The following GPSM1 variants were observed in gnomAD, a reference collection of about 807,000 sequenced individuals.
The protein encoded by GPSM1 is G protein-signaling modulator 1.
In GPSM1, 48 loss-of-function variants were observed where a neutral mutation model predicts 70.5. The observed-to-expected ratio is 0.68, with a 90% CI of 0.54 to 0.87. The LOEUF is 0.87. GPSM1 is among the 40% of genes least tolerant of loss of function. GPSM1 has a pLI of 0.00. For synonymous variants in GPSM1, 416 were observed against 430.1 expected, an observed-to-expected ratio of 0.97 and a Z score of 0.41; for missense variants, 981 against 972.6, an observed-to-expected ratio of 1.01 and a Z score of -0.11.
intron 11 of GPSM1, chr9:136,354,923 G>C: frequency 9.7e-7 from 1 of 1,027,728 alleles, no homozygotes; most frequent in Non-Finnish European, 1.2e-6. Context: ...TCCAGGCCAA[G>C]GCTGGGGAGG....
chr9:136,327,805 C>A lies in GPSM1; in HGVS notation c.68+42C>A, dbSNP rs1554768100. 9.7e-6 allele frequency: 8 copies of A among 825,924 alleles called. No individual in the cohort carries two copies. The South Asian group carries it at 4.1e-4, about 43-fold the overall frequency. The allele number at this position is 825,924 out of a possible 1,614,324, so 51.2% of individuals were successfully genotyped here. A position where few individuals can be genotyped will look rare whatever the true frequency, so the allele number is the denominator to read the frequency against. ...CCGGGGCCGGGGCCGGGGCTGGGACCGGACCGGGCCGGGTCGGGACGCGGG... is the reference window on the plus strand; with the variant it reads ...CCGGGGCCGGGGCCGGGGCTGGGACAGGACCGGGCCGGGTCGGGACGCGGG... On this transcript the variant is annotated intron_variant, in intron 1 of 13. Coordinates refer to ENST00000440944, the MANE Select transcript of GPSM1 (RefSeq NM_001145638.3).
Position 136,354,800 on chromosome 9 carries a change from G to A in GPSM1, c.1456-890G>A, listed in dbSNP as rs551595833. The A allele has an allele frequency of 9.4e-5, 93 of 986,564 alleles. No individual in the cohort carries two copies. In the East Asian group the frequency reaches 1.8e-3, roughly 19 times the overall value. 61.1% of individuals were successfully genotyped at this position (986,564 alleles called of 1,614,324 possible). On this transcript the variant is annotated intron_variant, in intron 11 of 13. Coordinates refer to ENST00000440944, the MANE Select transcript of GPSM1 (RefSeq NM_001145638.3). ...CGAGTTCATTCACACAGCAGACACC[G>A]GTGAGGGCTGTGTAGGGCATGGACA...
intron 6 of GPSM1, 77 bp downstream of exon 6, chr9:136,338,038 C>T: frequency 2.1e-6 from 2 of 947,050 alleles, no homozygotes; most frequent in Non-Finnish European, 3.2e-6. Flanking sequence ...GTGCCCGCCC[C>T]AAGCTGGGAA....
intron 4 of GPSM1, 129 bp downstream of exon 4, chr9:136,337,201 C>T (rs782536208): frequency 3.0e-5 from 31 of 1,044,640 alleles, no homozygotes; most frequent in East Asian, 7.8e-5. Context: ...CGGCCAGGTC[C>T]GCCCACCCCC....
intron 5 of GPSM1, 40 bp from the exon 6 acceptor site, chr9:136,337,806 G>T (rs782570703): frequency 1.3e-6 from 2 of 1,491,756 alleles, no homozygotes; most frequent in Non-Finnish European, 1.9e-6. Context: ...AGGCCCCGGG[G>T]CTGCGCCATG....
Position 136,342,264 on chromosome 9 carries a change from C to T in GPSM1, c.1207+1271C>T, listed in dbSNP as rs1280448245. Among the ~76,000 whole-genome samples the T allele has an allele frequency of 6.6e-6, 1 of 152,144 alleles. No individual in the cohort carries two copies. The highest frequency in any genetic ancestry group is 1.5e-5 in the Non-Finnish European group (1 of 68,024). ...CTCCTGTGTCCCTGGCTCGGCACTG[C>T]CACCATCTGGGACCCCAGCAGCAAC... On this transcript the variant is annotated intron_variant, in intron 9 of 13. Coordinates refer to ENST00000440944, the MANE Select transcript of GPSM1 (RefSeq NM_001145638.3). The surrounding 1 kb of genome is among the most constrained non-coding windows in gnomAD (Gnocchi z 5.5).
At position 136,327,606 on chromosome 9, in the gene GPSM1, C is replaced by T. The variant is rs1295975609; in HGVS notation, c.-90C>T. On this transcript the variant is annotated 5_prime_UTR_variant, in exon 1 of 14. Transcript: ENST00000440944. ...GCGGACGGACAGGCGGACAGCAGGG[C>T]GGACAGCAGGGAGGACAGCAGGGCG... The T allele has an allele frequency of 1.6e-5, 4 of 245,000 alleles. No homozygotes were observed. The highest frequency in any genetic ancestry group is 2.8e-5 in the Non-Finnish European group (4 of 144,736). The allele number at this position is 245,000 out of a possible 1,614,324, so 15.2% of individuals were successfully genotyped here.
chr9:136,357,201 C>T (rs978942228), intron 13 of GPSM1, among the ~76,000 whole-genome samples: 1 of 152,216 alleles, frequency 6.6e-6, no homozygotes, highest in South Asian at 2.1e-4. Context: ...TCTCGCCATC[C>T]CTGTGGGGTG....
intron 13 of GPSM1, 78 bp downstream of exon 13, chr9:136,356,628 G>A (rs1832837099): frequency 9.5e-7 from 1 of 1,047,840 alleles, no homozygotes; most frequent in Admixed American, 2.3e-5. Context: ...GTGTCCTGAG[G>A]GGTGAGGTGG....
chr9:136,341,546 A>G lies in GPSM1; in HGVS notation c.1207+553A>G. ...ACAGAACGTCCCCTGCAAAGCGAAA[A>G]GACTAATAGGTGCCAGGGGGGTGGT... On this transcript the variant is annotated intron_variant, in intron 9 of 13. Coordinates refer to ENST00000440944, the MANE Select transcript of GPSM1 (RefSeq NM_001145638.3). This position sits in a 1 kb window ranked among gnomAD's most constrained non-coding sequence, Gnocchi z 6.7. The G allele has an allele frequency of 9.3e-7, 1 of 1,074,922 alleles. No individual in the cohort carries two copies. The allele number at this position is 1,074,922 out of a possible 1,614,324, so 66.6% of individuals were successfully genotyped here.
At chr9:136,335,461 C>T (rs2131395815) in intron 2 of GPSM1, among the ~76,000 whole-genome samples, 1 of 152,266 alleles carries the variant, frequency 6.6e-6, no homozygotes, top group East Asian at 1.9e-4. Flanking sequence ...CTGCAGCTGC[C>T]CTGACCTCTC....
At chr9:136,350,022 G>A (rs1014824499) in intron 11 of GPSM1, among the ~76,000 whole-genome samples, 4 of 152,206 alleles carry the variant, frequency 2.6e-5, no homozygotes, top group Non-Finnish European at 4.4e-5. Flanking sequence ...TCTAGGCTGG[G>A]CTCTTCTGCA....
In GPSM1 at chr9:136,358,156, G is replaced by A. The variant is rs887527407; in HGVS notation, c.1964G>A (p.Gly655Asp). The A allele has an allele frequency of 1.9e-6, 3 of 1,598,648 alleles. No homozygotes were observed. The highest frequency in any genetic ancestry group is 3.4e-5 in the Admixed American group (2 of 58,304). ...MDEQRVDLAG[G>D]PEQGAGGPPE... Reference sequence around the variant, plus strand: ...GAGCAGCGGGTGGACCTCGCCGGGGGCCCGGAGCAGGGGGCAGGCGGCCCG... The same window carrying A: ...GAGCAGCGGGTGGACCTCGCCGGGGACCCGGAGCAGGGGGCAGGCGGCCCG... Residue 655 changes from glycine (G) to aspartate (D), a missense_variant, in exon 14 of 14, where the codon GGC (glycine) becomes GAC (aspartate). Physicochemically the swap from Gly to Asp is moderately conservative, Grantham distance 94. Coordinates refer to ENST00000440944, the MANE Select transcript of GPSM1 (RefSeq NM_001145638.3).
chr9:136,330,659 C>T (rs1262534224), intron 1 of GPSM1, among the ~76,000 whole-genome samples: 1 of 152,192 alleles, frequency 6.6e-6, no homozygotes, highest in African/African-American at 2.4e-5. Context: ...AGAGTCTCTT[C>T]AGCATCTGCT....
chr9:136,346,756 A>G (rs1554771335), intron 9 of GPSM1, among the ~76,000 whole-genome samples: 1 of 152,102 alleles, frequency 6.6e-6, no homozygotes, highest in Non-Finnish European at 1.5e-5. Context: ...TATTTAAATC[A>G]GGGCCCTGCT....
At position 136,355,765 on chromosome 9, in the gene GPSM1, G is replaced by T. The variant is rs782473674; in HGVS notation, c.1531G>T (p.Asp511Tyr). 1.2e-6 allele frequency: 2 copies of T among 1,612,458 alleles called. No individual in the cohort carries two copies. The highest frequency in any genetic ancestry group is 1.3e-5 in the African/African-American group (1 of 75,022). The part of the protein sequence containing the change: ...LLTKFQSSRM[D>Y]DQRCPLDDGQ... Reference sequence around the variant, plus strand: ...GACCAAGTTCCAGAGCAGCCGCATGGACGACCAGCGTTGTCCCCTGGACGA... The same window carrying T: ...GACCAAGTTCCAGAGCAGCCGCATGTACGACCAGCGTTGTCCCCTGGACGA... The change falls in exon 12 of 14, where the codon GAC becomes TAC. Residue 511 changes from aspartate to tyrosine, a missense_variant. Coordinates refer to ENST00000440944, the MANE Select transcript of GPSM1 (RefSeq NM_001145638.3).
At chr9:136,336,571 G>A (rs1380148168) in intron 3 of GPSM1, among the ~76,000 whole-genome samples, 7 of 152,192 alleles carry the variant, frequency 4.6e-5, no homozygotes, top group African/African-American at 1.7e-4. Flanking sequence ...CTGGGGGGAC[G>A]TGACTTACCC....
chr9:136,339,042 G>A (rs1349438358), intron 7 of GPSM1, among the ~76,000 whole-genome samples: 1 of 152,180 alleles, frequency 6.6e-6, no homozygotes, highest in Admixed American at 6.5e-5. Context: ...GTGCAGGTCT[G>A]GGGTGGGTGG....
rs782080280 is a variant in GPSM1 at position 136,355,788 on chromosome 9, C to T, written c.1554C>T (p.Asp518=). ...TGGACGACCAGCGTTGTCCCCTGGA[C>T]GATGGCCAGGCCGGGGCTGCCGAGG... ...SRMDDQRCPL[D]DGQAGAAEAT... Residue 518 remains aspartate, a synonymous_variant, in exon 12 of 14, where the codon GAC becomes GAT. Coordinates refer to ENST00000440944, the MANE Select transcript of GPSM1 (RefSeq NM_001145638.3). The T allele has an allele frequency of 6.8e-6, 11 of 1,612,188 alleles. No homozygotes were observed. The highest frequency in any genetic ancestry group is 4.5e-5 in the East Asian group (2 of 44,854).
Sources: gnomAD v4.1 joint callset for allele counts (sites outside exome capture counted in the v4.1 genomes callset) on GRCh38, gnomAD v4.1.1 for gene constraint, Gnocchi (gnomAD v3.1) non-coding constraint, MANE v1.5 for transcripts, NCBI Gene and HGNC (gene_info 2026-07-23, HGNC 2026-07-21) for gene names.